The following CASTOR2 variants were observed in gnomAD, a reference collection of about 807,000 sequenced individuals.
CASTOR2 encodes cytosolic arginine sensor for mTORC1 subunit 2.
In CASTOR2, 8 loss-of-function variants were observed where a neutral mutation model predicts 31.2. The observed-to-expected ratio is 0.26, with a 90% CI of 0.15 to 0.46. The LOEUF (loss-of-function observed/expected upper bound fraction) is 0.46, where lower values mean the gene tolerates loss of function less well. Among genes scored for constraint, CASTOR2 ranks in the 20% least tolerant of loss-of-function variants. CASTOR2 has a pLI of 0.99. For missense variants in CASTOR2, 216 were observed against 382.1 expected (o/e 0.57, Z 3.62); for synonymous variants, 162 against 158.7 (o/e 1.02, Z -0.16).
rs878966012 is a variant in CASTOR2 at position 75,028,991 on chromosome 7, CGGAAGCA to C, written c.*4294_*4300del. On this transcript the variant is annotated 3_prime_UTR_variant, in exon 9 of 9. Transcript: ENST00000616305. ...GATCAGAGGCTTCCAGTGTGGCCTC[CGGAAGCA>C]GCAGCGTAGCCAGGGTGACATTTGT... Among the ~76,000 whole-genome samples the C allele has an allele frequency of 0.11, 16,619 of 152,226 alleles. 934 individuals are homozygous for C. Among genetic ancestry groups the C allele is most frequent in the South Asian group, 0.12 (584 of 4,826 alleles).
chr7:75,020,264 AC>A, intron 6 of CASTOR2, 115 bp downstream of exon 6: 1 of 1,051,462 alleles, frequency 9.5e-7, no homozygotes, highest in Non-Finnish European at 1.4e-6. Flanking sequence ...TTTTTTTGAT[AC>A]GGGGTCTCGC....
rs1805228722 is a variant in CASTOR2 at position 75,029,208 on chromosome 7, C to T, written c.*4509C>T. On this transcript the variant is annotated 3_prime_UTR_variant, in exon 9 of 9. Transcript: ENST00000616305. The stretch of plus-strand genomic sequence containing the variant: ...CCCACTGGCCCCCTCCTCCTGGCCA[C>T]ATTTTCCAGGGATACCCTGGGGAGT... 6.6e-6 allele frequency among the ~76,000 whole-genome samples: 1 copy of T among 152,180 alleles called. No individual in the cohort carries two copies. The highest frequency in any genetic ancestry group is 6.5e-5 in the Admixed American group (1 of 15,278).
chr7:74,972,420 C>G (rs1170512005), intron 1 of CASTOR2, among the ~76,000 whole-genome samples: 1 of 151,166 alleles, frequency 6.6e-6, no homozygotes, highest in Non-Finnish European at 1.5e-5. Context: ...CATGCTCAGC[C>G]AAGCAGCACC....
chr7:75,010,324 A>G (rs1804709343), intron 2 of CASTOR2, among the ~76,000 whole-genome samples: 2 of 152,112 alleles, frequency 1.3e-5, no homozygotes, highest in Non-Finnish European at 2.9e-5. Flanking sequence ...AAAAAGGGGA[A>G]GACAGAGGTA....
intron 6 of CASTOR2, among the ~76,000 whole-genome samples, chr7:75,021,368 C>T (rs1054914265): frequency 2.2e-4 from 34 of 152,226 alleles, no homozygotes; most frequent in Admixed American, 9.8e-4. Flanking sequence ...TGCATGTGAT[C>T]TGCCAGTCTC....
chr7:75,000,348 C>G (rs1445450983), intron 1 of CASTOR2, among the ~76,000 whole-genome samples: 1 of 152,166 alleles, frequency 6.6e-6, no homozygotes, highest in African/African-American at 2.4e-5. Context: ...AGGTGAGGCC[C>G]TGATCCCTTC....
Position 75,028,432 on chromosome 7 carries a change from C to T in CASTOR2, c.*3733C>T, listed in dbSNP as rs2131963393. ...CACCGTGCCCGGCCTCATGGAATTT[C>T]TAGGGGTGAGCAGGTGACCCTGGGG... On this transcript the variant is annotated 3_prime_UTR_variant, in exon 9 of 9. Transcript: ENST00000616305. Among the ~76,000 whole-genome samples, 3 of 152,120 alleles carry T rather than the reference C, an allele frequency of 2.0e-5. No individual in the cohort carries two copies. The East Asian group carries it at 5.8e-4, about 29-fold the overall frequency.
At chr7:74,990,389 AAAAAAC>A (rs1226133754) in intron 1 of CASTOR2, among the ~76,000 whole-genome samples, 3 of 151,166 alleles carry the variant, frequency 2.0e-5, no homozygotes, top group African/African-American at 7.3e-5. Flanking sequence ...TCTCAAAAAA[AAAAAAC>A]AAAAACAAAA....
At chr7:75,004,428 C>T (rs1804564086) in intron 1 of CASTOR2, among the ~76,000 whole-genome samples, 1 of 151,228 alleles carries the variant, frequency 6.6e-6, no homozygotes, top group African/African-American at 2.4e-5. Flanking sequence ...AGAGAGGCCA[C>T]CTCATGGATG....
At chr7:75,023,348 A>G (rs1805050450) in intron 7 of CASTOR2, among the ~76,000 whole-genome samples, 1 of 152,148 alleles carries the variant, frequency 6.6e-6, no homozygotes, top group Non-Finnish European at 1.5e-5. Context: ...TCTCCTATAT[A>G]ACCACAATGA....
chr7:74,979,285 G>A (rs1334028362), intron 1 of CASTOR2, among the ~76,000 whole-genome samples: 10 of 143,534 alleles, frequency 7.0e-5, no homozygotes, highest in Non-Finnish European at 1.1e-4. Context: ...CCTCTAGTAC[G>A]CCCATTACCC....
chr7:75,014,519 G>A (rs1804823596), intron 2 of CASTOR2, among the ~76,000 whole-genome samples: 2 of 151,810 alleles, frequency 1.3e-5, no homozygotes, highest in Non-Finnish European at 2.9e-5. Context: ...TTGAACCCGG[G>A]AGGCAGAGGT....
intron 1 of CASTOR2, among the ~76,000 whole-genome samples, chr7:74,993,445 C>CTTTTTT (rs1156811360): frequency 5.2e-5 from 4 of 77,626 alleles, no homozygotes; most frequent in Non-Finnish European, 9.9e-5. Flanking sequence ...CCTCCTTTGT[C>CTTTTTT]TTTTTTTTTT....
At chr7:74,992,350 C>T (rs12375200) in intron 1 of CASTOR2, among the ~76,000 whole-genome samples, 99,807 of 152,058 alleles carry the variant, frequency 0.66, 35,611 homozygotes, top group East Asian at 0.93. Context: ...TCCTGTAATC[C>T]TAACTCTTCG....
chr7:75,028,142 G>A lies in CASTOR2; in HGVS notation c.*3443G>A. 8 of 1,348,472 alleles carry A rather than the reference G, an allele frequency of 5.9e-6. No individual in the cohort carries two copies. The East Asian group carries it at 1.8e-4, about 30-fold the overall frequency. 83.5% of individuals were successfully genotyped at this position (1,348,472 alleles called of 1,614,324 possible). On this transcript the variant is annotated 3_prime_UTR_variant, in exon 9 of 9. Coordinates refer to ENST00000616305, the MANE Select transcript of CASTOR2 (RefSeq NM_001145064.3). Reference sequence around the variant, plus strand: ...TTTTTTTTTTTTTTTTTTTGAGACGGAGTCTTGCTCTGTCGCCCAGGCTGG... The same window carrying A: ...TTTTTTTTTTTTTTTTTTTGAGACGAAGTCTTGCTCTGTCGCCCAGGCTGG...
Position 75,017,993 on chromosome 7 carries a change from C to G in CASTOR2, c.382C>G (p.Arg128Gly). ...STYQTDFILV[R>G]ERDLPFVTHT... is the part of the protein sequence containing the mutation. ...GGCCTCAACTTCTTGCCCCTAGGTG[C>G]GCGAGCGGGACCTGCCCTTTGTCAC... Residue 128 changes from arginine to glycine, a missense_variant, in exon 4 of 9, where the codon CGC (arginine) becomes GGC (glycine). Coordinates refer to ENST00000616305, the MANE Select transcript of CASTOR2 (RefSeq NM_001145064.3). The G allele has an allele frequency of 6.2e-7, 1 of 1,614,210 alleles. No individual in the cohort carries two copies. Among genetic ancestry groups the G allele is most frequent in the Non-Finnish European group, 8.5e-7 (1 of 1,180,040 alleles).
chr7:75,011,544 C>T (rs1469549900), intron 2 of CASTOR2, among the ~76,000 whole-genome samples: 2 of 151,394 alleles, frequency 1.3e-5, no homozygotes, highest in Non-Finnish European at 2.9e-5. Context: ...ACCATCCTGG[C>T]TAACATGGTG....
At chr7:74,988,135 T>C (rs1294806721) in intron 1 of CASTOR2, among the ~76,000 whole-genome samples, 1 of 151,694 alleles carries the variant, frequency 6.6e-6, no homozygotes, top group Non-Finnish European at 1.5e-5. Context: ...CACTCCTTTT[T>C]TTTTTCTTTT....
At chr7:74,979,026 G>T (rs1554436031) in intron 1 of CASTOR2, among the ~76,000 whole-genome samples, 3 of 151,406 alleles carry the variant, frequency 2.0e-5, no homozygotes, top group Non-Finnish European at 4.4e-5. Flanking sequence ...ATGTAGCTGG[G>T]CATAGTGGCG....
Sources: allele counts gnomAD v4.1 joint callset (sites outside exome capture counted in the v4.1 genomes callset), GRCh38; gene constraint gnomAD v4.1.1; transcripts MANE v1.5; gene names NCBI Gene and HGNC (gene_info 2026-07-23, HGNC 2026-07-21).